Variants in DOCK4 observed in about 807,000 individuals in gnomAD.
DOCK4 encodes dedicator of cytokinesis protein 4.
DOCK4 carries 97 observed loss-of-function variants against 268.1 expected under a neutral mutation model. That is an observed-to-expected ratio of 0.36 (90% CI 0.31 to 0.43). DOCK4 has a LOEUF of 0.43. DOCK4 is among the 20% of genes least tolerant of loss of function. DOCK4 has a pLI of 1.00. For missense variants in DOCK4, 2,145 were observed against 2,455.7 expected, an observed-to-expected ratio of 0.87 and a Z score of 2.67; for synonymous variants, 954 against 887.2, an observed-to-expected ratio of 1.08 and a Z score of -1.34.
intron 1 of DOCK4, among the ~76,000 whole-genome samples, chr7:112,095,093 G>C (rs1481511417): frequency 6.6e-6 from 1 of 152,014 alleles, no homozygotes; most frequent in African/African-American, 2.4e-5. Flanking sequence ...TACAGCAAAA[G>C]GATAATTTGC....
chr7:112,109,603 G>A (rs944160766), intron 1 of DOCK4, among the ~76,000 whole-genome samples: 9 of 152,172 alleles, frequency 5.9e-5, no homozygotes, highest in African/African-American at 1.9e-4. Context: ...GCGATAGTGT[G>A]CCCCTGCAGA....
At chr7:112,102,340 C>T (rs1810773840) in intron 1 of DOCK4, among the ~76,000 whole-genome samples, 1 of 152,144 alleles carries the variant, frequency 6.6e-6, no homozygotes, top group South Asian at 2.1e-4. Flanking sequence ...AGAAAATAGT[C>T]ATTAAGAGGA....
At chr7:111,857,032 A>C (rs1197639280) in intron 23 of DOCK4, among the ~76,000 whole-genome samples, 1 of 152,210 alleles carries the variant, frequency 6.6e-6, no homozygotes, top group African/African-American at 2.4e-5. Context: ...AAAGTTCTAA[A>C]CAAATGTCAT....
chr7:111,934,346 G>A (rs1466013188), intron 12 of DOCK4, among the ~76,000 whole-genome samples: 1 of 152,022 alleles, frequency 6.6e-6, no homozygotes, highest in Non-Finnish European at 1.5e-5. Context: ...ACGACTTATA[G>A]TGGTATATAT....
chr7:111,989,375 C>T (rs1799329778), intron 5 of DOCK4, among the ~76,000 whole-genome samples: 2 of 152,328 alleles, frequency 1.3e-5, no homozygotes, highest in South Asian at 4.1e-4. Flanking sequence ...CACAACACTG[C>T]TCTCATGTCC....
chr7:111,741,282 G>C, intron 46 of DOCK4, 68 bp from the exon 47 acceptor site: 5 of 1,580,798 alleles, frequency 3.2e-6, no homozygotes, highest in Non-Finnish European at 4.3e-6. Flanking sequence ...GTGCTAGAAT[G>C]CTATGAAACC....
At chr7:111,958,878 T>C (rs1360511972) in intron 8 of DOCK4, among the ~76,000 whole-genome samples, 1 of 152,184 alleles carries the variant, frequency 6.6e-6, no homozygotes, top group Non-Finnish European at 1.5e-5. Flanking sequence ...ATTTAGATCC[T>C]CCTCCTTGCT....
chr7:111,926,126 AAG>A lies in DOCK4; in HGVS notation c.1066+9412_1066+9413del, dbSNP rs1302469452. ...AGAGAGAGAGAGAAAGAGAAAAAGA[AAG>A]AAAGAAAGAAAGAAAGAAAAAGAGA... is the stretch of plus-strand genomic sequence containing the variant. On this transcript the variant is annotated intron_variant, in intron 12 of 52. Coordinates refer to ENST00000428084, the MANE Select transcript of DOCK4 (RefSeq NM_001363540.2). Among the ~76,000 whole-genome samples, 6 of 139,846 alleles carry A rather than the reference AAG, an allele frequency of 4.3e-5. 1 individual carries two copies. The highest frequency in any genetic ancestry group is 9.2e-5 in the Non-Finnish European group (6 of 64,968). The allele number at this position is 139,846 out of a possible 152,430, so 91.7% of individuals were successfully genotyped here.
chr7:112,126,379 T>C (rs1256576146), intron 1 of DOCK4, among the ~76,000 whole-genome samples: 2 of 152,132 alleles, frequency 1.3e-5, no homozygotes, highest in Non-Finnish European at 2.9e-5. Flanking sequence ...ACAGTTAAAA[T>C]GGGTAAGAGT....
At chr7:112,013,993 T>C (rs780126299) in intron 1 of DOCK4, among the ~76,000 whole-genome samples, 11 of 152,198 alleles carry the variant, frequency 7.2e-5, no homozygotes, top group Non-Finnish European at 1.2e-4. Context: ...TCAACAAGTG[T>C]CAGTTAAATA....
At chr7:111,781,239 C>A (rs893391195) in intron 35 of DOCK4, among the ~76,000 whole-genome samples, 1 of 152,140 alleles carries the variant, frequency 6.6e-6, no homozygotes, top group African/African-American at 2.4e-5. Flanking sequence ...GACTTTGTGC[C>A]TGGAGTTGAG....
At chr7:111,945,375 G>A (rs570411864) in intron 9 of DOCK4, among the ~76,000 whole-genome samples, 9 of 152,142 alleles carry the variant, frequency 5.9e-5, no homozygotes, top group East Asian at 5.8e-4. Flanking sequence ...TAGTAGAGAC[G>A]GGGTTTCACC....
Position 112,165,557 on chromosome 7 carries a change from T to TGC in DOCK4, c.37+40544_37+40545insGC, listed in dbSNP as rs1412351553. ...GTGTGTGTGTGTGTGTGTGTGTGTG[T>TGC]GTGCGTGTGTGTGTGTATCCCATTT... On this transcript the variant is annotated intron_variant, in intron 1 of 52. Coordinates refer to ENST00000428084, the MANE Select transcript of DOCK4 (RefSeq NM_001363540.2). 2.6e-4 allele frequency among the ~76,000 whole-genome samples: 37 copies of TGC among 141,072 alleles called. 1 individual carries two copies. Among genetic ancestry groups the TGC allele is most frequent in the East Asian group, 1.4e-3 (6 of 4,442 alleles). The allele number at this position is 141,072 out of a possible 152,430, so 92.5% of individuals were successfully genotyped here. A position where few individuals can be genotyped will look rare whatever the true frequency, so the allele number is the denominator to read the frequency against.
At chr7:111,847,611 A>C (rs1804218797) in intron 23 of DOCK4, among the ~76,000 whole-genome samples, 1 of 152,120 alleles carries the variant, frequency 6.6e-6, no homozygotes, top group Admixed American at 6.5e-5. Context: ...AGTTCCCCCT[A>C]TACTGTCCTT....
At chr7:111,771,296 A>G (rs1275991923) in intron 36 of DOCK4, among the ~76,000 whole-genome samples, 2 of 152,236 alleles carry the variant, frequency 1.3e-5, no homozygotes, top group African/African-American at 4.8e-5. Flanking sequence ...CTGAGGCTCC[A>G]GTCCTCATAG....
At chr7:111,944,934 T>A (rs1795500500) in intron 9 of DOCK4, 63 bp from the exon 10 acceptor site, 9 of 1,346,036 alleles carry the variant, frequency 6.7e-6, no homozygotes, top group Non-Finnish European at 9.6e-6. Context: ...GGCATAGCAC[T>A]TTATTTTCAC....
intron 13 of DOCK4, among the ~76,000 whole-genome samples, chr7:111,912,638 G>A (rs1488955318): frequency 6.6e-6 from 1 of 151,892 alleles, no homozygotes; most frequent in African/African-American, 2.4e-5. Context: ...GATGGAGGAG[G>A]GAGGAAAGAT....
intron 39 of DOCK4, among the ~76,000 whole-genome samples, chr7:111,764,609 A>T (rs931541357): frequency 1.1e-4 from 16 of 152,194 alleles, no homozygotes; most frequent in Non-Finnish European, 4.4e-5. Context: ...AGAATGTCTA[A>T]AAGTTTTCTC....
At chr7:112,043,082 CTTT>C (rs1280845448) in intron 1 of DOCK4, among the ~76,000 whole-genome samples, 1 of 152,162 alleles carries the variant, frequency 6.6e-6, no homozygotes, top group Non-Finnish European at 1.5e-5. Flanking sequence ...AAATAAACTT[CTTT>C]CTTTTATAAA....
Sources: allele counts gnomAD v4.1 joint callset (sites outside exome capture counted in the v4.1 genomes callset), GRCh38; gene constraint gnomAD v4.1.1; transcripts MANE v1.5; gene names NCBI Gene and HGNC (gene_info 2026-07-23, HGNC 2026-07-21).